The following ZNF169 variants were observed in gnomAD, a reference collection of about 807,000 sequenced individuals.
ZNF169 encodes the protein zinc finger protein 169.
In ZNF169, 11 loss-of-function variants were observed where a neutral mutation model predicts 12.0. The observed-to-expected ratio is 0.92, with a 90% CI of 0.58 to 1.52. The LOEUF is 1.52. Ranked by LOEUF, ZNF169 falls within the 40% of genes most tolerant of loss-of-function variation. The probability of loss-of-function intolerance (pLI) is 0.00; values close to 1 mark genes in which losing one functional copy is unlikely to be tolerated. For missense variants in ZNF169, 722 were observed against 744.0 expected (o/e 0.97, Z 0.34); for synonymous variants, 302 against 286.5 (o/e 1.05, Z -0.55).
chr9:94,301,098 T>C lies in ZNF169; in HGVS notation c.1540T>C (p.Tyr514His), dbSNP rs748984204. ...GAGGACACACTCAGAGGAGGAGCTT[T>C]ACGTAGACAGGGTGTGTGGACAAGG... ...HQRTHSEEEL[Y>H]VDRVCGQGLG... Residue 514 changes from tyrosine (Y) to histidine (H), a missense_variant, in exon 5 of 5, where the codon TAC (tyrosine) becomes CAC (histidine). Physicochemically the swap from Tyr to His is moderately conservative, Grantham distance 83 (BLOSUM62 2). Transcript: ENST00000395395. 3.1e-6 allele frequency: 5 copies of C among 1,614,052 alleles called. No homozygotes were observed. In the South Asian group the frequency reaches 5.5e-5, roughly 18 times the overall value.
intron 2 of ZNF169, among the ~76,000 whole-genome samples, chr9:94,284,766 T>C (rs752795913): frequency 3.3e-5 from 5 of 152,182 alleles, no homozygotes; most frequent in African/African-American, 4.8e-5. Flanking sequence ...AGACTTTCCA[T>C]GCTTGGAATG....
intron 2 of ZNF169, among the ~76,000 whole-genome samples, chr9:94,281,759 T>C (rs1292717791): frequency 6.6e-6 from 1 of 152,206 alleles, no homozygotes; most frequent in Non-Finnish European, 1.5e-5. Context: ...GCTCCGAGGC[T>C]ATAGGTAAAT....
At chr9:94,265,023 T>TG (rs1830266928) in intron 1 of ZNF169, among the ~76,000 whole-genome samples, 1 of 138,508 alleles carries the variant, frequency 7.2e-6, no homozygotes, top group East Asian at 2.0e-4. Flanking sequence ...TGTACCCTGT[T>TG]TTTTTTTTTT....
rs535466463 is a variant in ZNF169 at position 94,260,895 on chromosome 9, A to G, written c.-56+1550A>G. Among the ~76,000 whole-genome samples the G allele has an allele frequency of 3.6e-3, 492 of 135,994 alleles. 14 individuals carry two copies. The highest frequency in any genetic ancestry group is 0.013 in the African/African-American group (481 of 37,010). 89.2% of individuals were successfully genotyped at this position (135,994 alleles called of 152,430 possible). ...GAGTGCAGTGGAGTGATCTCAGCTCACTGCAACCACGGCCTCCCGGGTTCA... is the reference window on the plus strand; with the variant it reads ...GAGTGCAGTGGAGTGATCTCAGCTCGCTGCAACCACGGCCTCCCGGGTTCA... On this transcript the variant is annotated intron_variant, in intron 1 of 4. Transcript: ENST00000395395.
intron 1 of ZNF169, among the ~76,000 whole-genome samples, chr9:94,269,451 C>T (rs1830353362): frequency 6.6e-6 from 1 of 152,142 alleles, no homozygotes; most frequent in African/African-American, 2.4e-5. Context: ...TTTGCGCATG[C>T]ATGAAACAGC....
chr9:94,299,612 C>T, intron 4 of ZNF169: 1 of 1,382,778 alleles, frequency 7.2e-7, no homozygotes, highest in South Asian at 1.9e-5. Flanking sequence ...CTGAAGCTGC[C>T]TGTGATGCTT....
chr9:94,276,578 G>C (rs1446361621), intron 1 of ZNF169, among the ~76,000 whole-genome samples: 2 of 151,984 alleles, frequency 1.3e-5, no homozygotes, highest in African/African-American at 4.8e-5. Flanking sequence ...ATTTTTAGTA[G>C]AAACAGGGTT....
chr9:94,292,855 C>T (rs1032012494), intron 3 of ZNF169, 119 bp from the exon 4 acceptor site: 2 of 808,016 alleles, frequency 2.5e-6, no homozygotes, highest in Non-Finnish European at 2.0e-6. Context: ...GTTTACTCCA[C>T]CCCTGCACCT....
chr9:94,291,845 C>A (rs1382906554), intron 2 of ZNF169, among the ~76,000 whole-genome samples: 1 of 152,150 alleles, frequency 6.6e-6, no homozygotes, highest in Non-Finnish European at 1.5e-5. Flanking sequence ...AATGGAGAGA[C>A]ATACTGTGTT....
At chr9:94,269,240 A>T (rs540438601) in intron 1 of ZNF169, among the ~76,000 whole-genome samples, 42 of 152,174 alleles carry the variant, frequency 2.8e-4, no homozygotes, top group African/African-American at 8.7e-4. Flanking sequence ...CTCAAAACCA[A>T]CTCAAAACCT....
In ZNF169 at chr9:94,265,763, G is replaced by T. The variant is rs146857682; in HGVS notation, c.-56+6418G>T. On this transcript the variant is annotated intron_variant, in intron 1 of 4. Transcript: ENST00000395395. ...TTATTTAATCTAAGTGGGTCCAGGTGCTGGGGTGATTACCCTTATCTTATC... is the reference window on the plus strand; with the variant it reads ...TTATTTAATCTAAGTGGGTCCAGGTTCTGGGGTGATTACCCTTATCTTATC... 7.5e-3 allele frequency among the ~76,000 whole-genome samples: 1,146 copies of T among 152,230 alleles called. 17 individuals are homozygous for T. The highest frequency in any genetic ancestry group is 0.026 in the African/African-American group (1,090 of 41,522).
intron 1 of ZNF169, among the ~76,000 whole-genome samples, chr9:94,278,257 A>G (rs1830560044): frequency 1.3e-5 from 2 of 152,180 alleles, no homozygotes; most frequent in African/African-American, 4.8e-5. Context: ...CTAATTTTTG[A>G]TATGTGAGTG....
chr9:94,276,272 T>G (rs191389142), intron 1 of ZNF169, among the ~76,000 whole-genome samples: 6 of 152,216 alleles, frequency 3.9e-5, no homozygotes, highest in African/African-American at 1.4e-4. Flanking sequence ...GGGTCTCTTT[T>G]TTTTGTTCTT....
chr9:94,267,755 G>C (rs796913422), intron 1 of ZNF169, among the ~76,000 whole-genome samples: 1 of 151,934 alleles, frequency 6.6e-6, no homozygotes, highest in African/African-American at 2.4e-5. Context: ...CTCTTCACGA[G>C]TCCTGAACGT....
intron 2 of ZNF169, among the ~76,000 whole-genome samples, chr9:94,279,651 A>T (rs76947618): frequency 2.6e-5 from 4 of 151,848 alleles, no homozygotes; most frequent in Non-Finnish European, 4.4e-5. Flanking sequence ...AAAAAAAAAA[A>T]GGAAAGAAAA....
chr9:94,287,973 G>C, intron 2 of ZNF169: 1 of 812,002 alleles, frequency 1.2e-6, no homozygotes, highest in South Asian at 1.3e-5. Context: ...CTAGTAAATG[G>C]AGCTGCCAAA....
At chr9:94,265,308 A>G (rs1830273937) in intron 1 of ZNF169, among the ~76,000 whole-genome samples, 1 of 152,100 alleles carries the variant, frequency 6.6e-6, no homozygotes, top group African/African-American at 2.4e-5. Context: ...TGCCAGGCGC[A>G]GTGGCTCATG....
In ZNF169 at chr9:94,301,146, A is replaced by G; in HGVS notation, c.1588A>G (p.Ile530Val). Reference protein sequence around the residue: ...GQGLGQKSHLISDQRTHSGEK... With the variant: ...GQGLGQKSHLVSDQRTHSGEK... Reference sequence around the variant, plus strand: ...AGGACTTGGCCAGAAGTCACACCTTATCTCTGACCAAAGGACACACTCAGG... The same window carrying G: ...AGGACTTGGCCAGAAGTCACACCTTGTCTCTGACCAAAGGACACACTCAGG... The change falls in exon 5 of 5, where the codon ATC (isoleucine) becomes GTC (valine). Residue 530 changes from isoleucine (I) to valine (V), a missense_variant. By Grantham distance (29) the Ile-to-Val change is conservative. Coordinates refer to ENST00000395395, the MANE Select transcript of ZNF169 (RefSeq NM_194320.4). 1 of 1,613,928 alleles carries G rather than the reference A, an allele frequency of 6.2e-7. No individual in the cohort carries two copies. The highest frequency in any genetic ancestry group is 8.5e-7 in the Non-Finnish European group (1 of 1,179,984).
chr9:94,292,448 C>T lies in ZNF169; in HGVS notation c.141C>T (p.Tyr47=). 2 of 1,614,012 alleles carry T rather than the reference C, an allele frequency of 1.2e-6. No individual in the cohort carries two copies. The highest frequency in any genetic ancestry group is 2.2e-5 in the East Asian group (1 of 44,886). ...TLYREVMLEN[Y]SHLVSLGIAF... is the part of the protein sequence containing the mutation. ...ACAGGGAGGTGATGCTGGAGAACTA[C>T]AGCCATCTGGTCTCCCTGGGTAAGG... is the stretch of plus-strand genomic sequence containing the variant. Residue 47 remains tyrosine, a synonymous_variant, in exon 3 of 5, where the codon TAC becomes TAT. Coordinates refer to ENST00000395395, the MANE Select transcript of ZNF169 (RefSeq NM_194320.4).
Sources: gnomAD v4.1 joint callset for allele counts (sites outside exome capture counted in the v4.1 genomes callset) on GRCh38, gnomAD v4.1.1 for gene constraint, MANE v1.5 for transcripts, NCBI Gene and HGNC (gene_info 2026-07-23, HGNC 2026-07-21) for gene names.